The following FAM184A variants were observed in gnomAD, a reference collection of about 807,000 sequenced individuals.
The protein encoded by FAM184A is protein FAM184A.
Under a neutral mutation model 143.8 loss-of-function variants are expected in FAM184A, and 99 were observed. That is an observed-to-expected ratio of 0.69 (90% CI 0.58 to 0.81). The LOEUF (loss-of-function observed/expected upper bound fraction) is 0.81, where lower values mean the gene tolerates loss of function less well. FAM184A is among the 40% of genes least tolerant of loss of function. FAM184A has a pLI of 0.00. For synonymous variants in FAM184A, 427 were observed against 446.4 expected, an observed-to-expected ratio of 0.96 and a Z score of 0.55; for missense variants, 1,217 against 1,310.5, an observed-to-expected ratio of 0.93 and a Z score of 1.10.
chr6:119,022,896 A>C, intron 3 of FAM184A, 49 bp downstream of exon 3: 1 of 1,605,836 alleles, frequency 6.2e-7, no homozygotes, highest in Middle Eastern at 1.7e-4. Context: ...AAATAAATAA[A>C]GTGTTGATTT....
chr6:118,984,149 TAAAA>T (rs530813071), intron 9 of FAM184A, among the ~76,000 whole-genome samples: 41 of 111,928 alleles, frequency 3.7e-4, no homozygotes, highest in African/African-American at 5.7e-4. Flanking sequence ...AAACTCCATT[TAAAA>T]AAAAAATATA....
At chr6:119,060,534 A>G (rs1787190722) in intron 1 of FAM184A, among the ~76,000 whole-genome samples, 1 of 152,236 alleles carries the variant, frequency 6.6e-6, no homozygotes, top group African/African-American at 2.4e-5. Context: ...TGAAAAAGGG[A>G]GAAGTGAAAG....
intron 7 of FAM184A, chr6:119,005,902 T>A: frequency 1.9e-6 from 1 of 527,580 alleles, no homozygotes; most frequent in South Asian, 3.1e-5. Context: ...TATATGAGAG[T>A]TCTACCTCTT....
chr6:119,092,639 C>G (rs987920957), intron 1 of FAM184A, among the ~76,000 whole-genome samples: 1 of 152,026 alleles, frequency 6.6e-6, no homozygotes, highest in South Asian at 2.1e-4. Context: ...CTTGAAAGGT[C>G]TGAATAAATA....
intron 17 of FAM184A, 71 bp downstream of exon 17, chr6:118,961,690 C>T: frequency 8.1e-7 from 1 of 1,242,202 alleles, no homozygotes; most frequent in Non-Finnish European, 1.2e-6. Flanking sequence ...GTAGTGATTT[C>T]TGCAATGTAA....
intron 14 of FAM184A, among the ~76,000 whole-genome samples, chr6:118,968,664 T>G (rs1783574255): frequency 6.6e-6 from 1 of 152,206 alleles, no homozygotes; most frequent in South Asian, 2.1e-4. Flanking sequence ...GTACAAGATT[T>G]ATGAACTGCT....
intron 9 of FAM184A, among the ~76,000 whole-genome samples, chr6:118,985,403 T>C (rs1582467062): frequency 6.6e-6 from 1 of 152,216 alleles, no homozygotes; most frequent in African/African-American, 2.4e-5. Context: ...CACTCAACTT[T>C]ATATATCTTC....
chr6:119,141,590 C>T (rs1191682016), intron 1 of FAM184A, among the ~76,000 whole-genome samples: 5 of 152,196 alleles, frequency 3.3e-5, no homozygotes, highest in Admixed American at 6.5e-5. Flanking sequence ...GATTCTCCTG[C>T]CTCAGCCTCC....
chr6:119,076,297 GGA>G (rs1194126591), intron 1 of FAM184A, among the ~76,000 whole-genome samples: 2 of 152,140 alleles, frequency 1.3e-5, no homozygotes, highest in African/African-American at 4.8e-5. Flanking sequence ...CAGAGGGGGT[GGA>G]GAGTGTTTAG....
In FAM184A at chr6:119,015,032, C is replaced by G. The variant is rs564024648; in HGVS notation, c.1530+1715G>C. ...CGAGATTGTGCCACTGCACTGCACT[C>G]CAGACTGAGAGACAGAGCGAGACTC... On this transcript the variant is annotated intron_variant, in intron 5 of 17. Transcript: ENST00000338891. 2.0e-5 allele frequency among the ~76,000 whole-genome samples: 3 copies of G among 151,628 alleles called. No homozygotes were observed. In the South Asian group the frequency reaches 6.3e-4, roughly 32 times the overall value.
chr6:118,974,694 A>G, intron 13 of FAM184A, 120 bp from the exon 14 acceptor site: 1 of 817,580 alleles, frequency 1.2e-6, no homozygotes, highest in South Asian at 2.2e-5. Flanking sequence ...TTATGTAAAC[A>G]GCCTAAATTA....
At chr6:118,969,993 A>ATATATAT (rs1189865476) in intron 14 of FAM184A, among the ~76,000 whole-genome samples, 1 of 24,376 alleles carries the variant, frequency 4.1e-5, no homozygotes, top group Non-Finnish European at 7.8e-5. Context: ...ATATATATAT[A>ATATATAT]ATATATATAT....
intron 1 of FAM184A, among the ~76,000 whole-genome samples, chr6:119,136,758 A>G (rs1789682245): frequency 6.6e-6 from 1 of 152,222 alleles, no homozygotes; most frequent in Non-Finnish European, 1.5e-5. Context: ...TTAACTTTCA[A>G]ATTCCTGCTA....
chr6:119,103,795 C>T (rs1409690602), intron 1 of FAM184A, among the ~76,000 whole-genome samples: 1 of 151,710 alleles, frequency 6.6e-6, no homozygotes, highest in Non-Finnish European at 1.5e-5. Flanking sequence ...GGCATGGTGG[C>T]ACGCACCTGT....
At chr6:118,985,315 T>C (rs1285265543) in intron 9 of FAM184A, among the ~76,000 whole-genome samples, 1 of 152,178 alleles carries the variant, frequency 6.6e-6, no homozygotes, top group East Asian at 1.9e-4. Flanking sequence ...AAGTATCACA[T>C]AGAGAAACAA....
intron 1 of FAM184A, among the ~76,000 whole-genome samples, chr6:119,113,547 G>A (rs1313855953): frequency 3.3e-5 from 5 of 151,886 alleles, no homozygotes; most frequent in Non-Finnish European, 7.4e-5. Flanking sequence ...CTGTGGTTTT[G>A]CTTTCCAAGG....
At chr6:118,963,197 A>C (rs1783389160) in intron 16 of FAM184A, 1 of 152,150 alleles carries the variant, frequency 6.6e-6, no homozygotes. Flanking sequence ...AGAGGGCATA[A>C]TTAAACCTAC....
chr6:118,981,536 C>T (rs933463885), intron 9 of FAM184A, among the ~76,000 whole-genome samples: 10 of 151,864 alleles, frequency 6.6e-5, no homozygotes, highest in Admixed American at 2.0e-4. Flanking sequence ...GCCTCACATG[C>T]GTCACAAAGA....
chr6:119,146,820 C>T (rs1772452496), intron 1 of FAM184A, among the ~76,000 whole-genome samples: 1 of 151,964 alleles, frequency 6.6e-6, no homozygotes, highest in African/African-American at 2.4e-5. Context: ...AATAGTCACC[C>T]TCTCCCCTGG....
Sources: allele counts gnomAD v4.1 joint callset (sites outside exome capture counted in the v4.1 genomes callset), GRCh38; gene constraint gnomAD v4.1.1; transcripts MANE v1.5; gene names NCBI Gene and HGNC (gene_info 2026-07-23, HGNC 2026-07-21).